Variants in HS3ST4 observed in about 807,000 individuals in gnomAD.
The protein encoded by HS3ST4 is heparan sulfate-glucosamine 3-sulfotransferase 4, also known as heparan sulfate glucosamine 3-O-sulfotransferase 4.
Under a neutral mutation model 29.2 loss-of-function variants are expected in HS3ST4, and 17 were observed. The observed-to-expected ratio is 0.58, with a 90% CI of 0.40 to 0.87. The LOEUF (loss-of-function observed/expected upper bound fraction) is 0.87. Among genes scored for constraint, HS3ST4 ranks in the 40% least tolerant of loss-of-function variants. The pLI is 0.00. For synonymous variants in HS3ST4, 314 were observed against 285.7 expected, an observed-to-expected ratio of 1.10 and a Z score of -1.00; for missense variants, 627 against 634.5, an observed-to-expected ratio of 0.99 and a Z score of 0.13.
chr16:25,779,989 C>G (rs769395103), intron 1 of HS3ST4, among the ~76,000 whole-genome samples: 11 of 152,176 alleles, frequency 7.2e-5, no homozygotes, highest in Admixed American at 1.3e-4. Flanking sequence ...GGTTATTGCT[C>G]CATTTCTTCG....
intron 1 of HS3ST4, among the ~76,000 whole-genome samples, chr16:26,076,055 C>T (rs930610022): frequency 1.3e-5 from 2 of 152,118 alleles, no homozygotes; most frequent in African/African-American, 4.8e-5. Context: ...CCCAGACCAG[C>T]CAATTTTATG....
chr16:26,052,615 C>T (rs1898360882), intron 1 of HS3ST4, among the ~76,000 whole-genome samples: 1 of 152,214 alleles, frequency 6.6e-6, no homozygotes, highest in Non-Finnish European at 1.5e-5. Context: ...TAGTGATCCG[C>T]CTGCCTCAGC....
intron 1 of HS3ST4, among the ~76,000 whole-genome samples, chr16:25,853,614 A>T (rs1237668542): frequency 6.6e-6 from 1 of 152,096 alleles, no homozygotes; most frequent in African/African-American, 2.4e-5. Flanking sequence ...TCATGAAAGG[A>T]TGTAGAGTTT....
intron 1 of HS3ST4, among the ~76,000 whole-genome samples, chr16:25,842,286 T>C (rs1409558536): frequency 6.6e-6 from 1 of 152,260 alleles, no homozygotes; most frequent in Non-Finnish European, 1.5e-5. Context: ...CTTGTAGTCC[T>C]GATATTAACA....
chr16:25,709,289 C>T (rs573620671), intron 1 of HS3ST4, among the ~76,000 whole-genome samples: 1 of 152,196 alleles, frequency 6.6e-6, no homozygotes, highest in South Asian at 2.1e-4. Flanking sequence ...TTGCTGAAGA[C>T]TCGATGTAGC....
chr16:26,109,503 G>T (rs1388986125), intron 1 of HS3ST4, among the ~76,000 whole-genome samples: 1 of 151,562 alleles, frequency 6.6e-6, no homozygotes, highest in African/African-American at 2.4e-5. Context: ...CCCTGACAGT[G>T]TATCAAGGAC....
chr16:25,846,954 C>T (rs1289381909), intron 1 of HS3ST4, among the ~76,000 whole-genome samples: 1 of 150,818 alleles, frequency 6.6e-6, no homozygotes. Context: ...CTTATATAGT[C>T]TAATGCTAAT....
chr16:25,896,102 C>A (rs1968061281), intron 1 of HS3ST4, among the ~76,000 whole-genome samples: 1 of 152,146 alleles, frequency 6.6e-6, no homozygotes, highest in Non-Finnish European at 1.5e-5. Context: ...CTTAACGATT[C>A]TCCTGGGATT....
rs147673570 is a variant in HS3ST4 at position 25,914,321 on chromosome 16, G to A, written c.734+221170G>A. Among the ~76,000 whole-genome samples, 700 of 150,030 alleles carry A rather than the reference G, an allele frequency of 4.7e-3. 10 individuals carry two copies. Among genetic ancestry groups the A allele is most frequent in the African/African-American group, 0.017 (682 of 40,664 alleles). ...TATGTGTATGTATGTGTGTATAGGG[G>A]TATATGTGGTGTGATGTATGTATGT... is the stretch of plus-strand genomic sequence containing the variant. On this transcript the variant is annotated intron_variant, in intron 1 of 1. Transcript: ENST00000331351.
At chr16:26,054,748 C>T (rs1168163373) in intron 1 of HS3ST4, among the ~76,000 whole-genome samples, 1 of 152,034 alleles carries the variant, frequency 6.6e-6, no homozygotes, top group Non-Finnish European at 1.5e-5. Context: ...GTTCCACCAA[C>T]TCATAGTCAG....
chr16:25,705,493 A>G (rs374282690), intron 1 of HS3ST4, among the ~76,000 whole-genome samples: 12 of 152,016 alleles, frequency 7.9e-5, no homozygotes, highest in African/African-American at 2.9e-4. Flanking sequence ...GTGAAACCCC[A>G]TCTCTACTAA....
chr16:25,806,286 CTCTGGTCAATTCA>C (rs1390076601), intron 1 of HS3ST4, among the ~76,000 whole-genome samples: 1 of 152,106 alleles, frequency 6.6e-6, no homozygotes, highest in Non-Finnish European at 1.5e-5. Context: ...TTTGATTTTT[CTCTGGTCAATTCA>C]TCTGTGTATG....
At chr16:25,709,484 A>G (rs1250234024) in intron 1 of HS3ST4, among the ~76,000 whole-genome samples, 1 of 152,148 alleles carries the variant, frequency 6.6e-6, no homozygotes, top group African/African-American at 2.4e-5. Flanking sequence ...CTGTTTCTAG[A>G]CACTCCTCTG....
At chr16:25,750,230 A>G (rs1245124879) in intron 1 of HS3ST4, among the ~76,000 whole-genome samples, 1 of 152,164 alleles carries the variant, frequency 6.6e-6, no homozygotes, top group Non-Finnish European at 1.5e-5. Context: ...GGGCTTCCTC[A>G]CAGCATGGAG....
At chr16:25,947,854 T>C (rs765010490) in intron 1 of HS3ST4, among the ~76,000 whole-genome samples, 6 of 152,148 alleles carry the variant, frequency 3.9e-5, no homozygotes, top group Non-Finnish European at 5.9e-5. Flanking sequence ...TTTAAAACTT[T>C]CCAGCTGTGC....
At position 25,851,024 on chromosome 16, in the gene HS3ST4, G is replaced by C. The variant is rs551383589; in HGVS notation, c.734+157873G>C. Reference sequence around the variant, plus strand: ...AGTTTAGTGGCTGGCAATTCTAAGCGGTTGGAGTCTTAAAGAGTGAAGCTT... The same window carrying C: ...AGTTTAGTGGCTGGCAATTCTAAGCCGTTGGAGTCTTAAAGAGTGAAGCTT... On this transcript the variant is annotated intron_variant, in intron 1 of 1. Transcript: ENST00000331351. Among the ~76,000 whole-genome samples, 9 of 152,192 alleles carry C rather than the reference G, an allele frequency of 5.9e-5. No individual in the cohort carries two copies. In the East Asian group the frequency reaches 1.7e-3, roughly 29 times the overall value.
intron 1 of HS3ST4, among the ~76,000 whole-genome samples, chr16:25,970,136 A>G (rs900143775): frequency 6.6e-6 from 1 of 152,254 alleles, no homozygotes; most frequent in African/African-American, 2.4e-5. Context: ...TTTATACAGC[A>G]GGTGCGAATG....
chr16:25,936,912 A>G (rs1394758273), intron 1 of HS3ST4, among the ~76,000 whole-genome samples: 1 of 152,224 alleles, frequency 6.6e-6, no homozygotes, highest in Non-Finnish European at 1.5e-5. Flanking sequence ...TGGAAAGTAC[A>G]GTTGCAGGTG....
intron 1 of HS3ST4, among the ~76,000 whole-genome samples, chr16:26,014,946 T>C (rs1969349284): frequency 6.6e-6 from 1 of 152,198 alleles, no homozygotes; most frequent in African/African-American, 2.4e-5. Flanking sequence ...CTGGCTAATA[T>C]GGTGAACTAG....
Sources: allele counts gnomAD v4.1 joint callset (sites outside exome capture counted in the v4.1 genomes callset), GRCh38; gene constraint gnomAD v4.1.1; transcripts MANE v1.5; gene names NCBI Gene and HGNC (gene_info 2026-07-23, HGNC 2026-07-21).